EYA1: variants seen among roughly 807,000 people sequenced by gnomAD.
The protein encoded by EYA1 is EYA transcriptional coactivator and phosphatase 1.
In EYA1, 16 loss-of-function variants were observed where a neutral mutation model predicts 82.0. The observed-to-expected ratio is 0.20, with a 90% confidence interval of 0.13 to 0.30. The LOEUF (loss-of-function observed/expected upper bound fraction) is 0.30. EYA1 is among the 10% of genes least tolerant of loss of function. EYA1 has a pLI of 1.00. For synonymous variants in EYA1, 261 were observed against 264.4 expected, an observed-to-expected ratio of 0.99 and a Z score of 0.12; for missense variants, 633 against 730.7, an observed-to-expected ratio of 0.87 and a Z score of 1.54.
At chr8:71,298,791 C>A (rs560750840) in intron 9 of EYA1, among the ~76,000 whole-genome samples, 1 of 152,100 alleles carries the variant, frequency 6.6e-6, no homozygotes, top group Non-Finnish European at 1.5e-5. Context: ...CTACACAGAT[C>A]TTAAAAATTG....
chr8:71,412,983 G>C (rs140491964), intron 2 of EYA1, among the ~76,000 whole-genome samples: 19 of 152,314 alleles, frequency 1.2e-4, no homozygotes, highest in African/African-American at 4.3e-4. Flanking sequence ...GAGTGGGTAA[G>C]AGGTACTTGT....
intron 2 of EYA1, chr8:71,470,938 A>G: frequency 2.2e-6 from 1 of 445,408 alleles, no homozygotes; most frequent in South Asian, 1.6e-5. Context: ...TGGGCTTTAA[A>G]AAAAAAAGGA....
chr8:71,388,443 A>G (rs1829090216), intron 2 of EYA1, among the ~76,000 whole-genome samples: 1 of 152,204 alleles, frequency 6.6e-6, no homozygotes, highest in African/African-American at 2.4e-5. Flanking sequence ...GAGGGTGACC[A>G]GAGTTTTTCG....
At chr8:71,207,523 T>G (rs1355569487) in intron 17 of EYA1, among the ~76,000 whole-genome samples, 1 of 152,192 alleles carries the variant, frequency 6.6e-6, no homozygotes, top group African/African-American at 2.4e-5. Flanking sequence ...GCAGCAGATA[T>G]TTTTGGACTC....
chr8:71,313,840 C>A (rs775826945), intron 7 of EYA1, among the ~76,000 whole-genome samples: 1 of 152,124 alleles, frequency 6.6e-6, no homozygotes, highest in South Asian at 2.1e-4. Flanking sequence ...TTAAATTAAT[C>A]AGCAAAACAC....
At chr8:71,364,070 A>G (rs1019546754), upstream of EYA1, among the ~76,000 whole-genome samples, 46 of 151,906 alleles carry the variant, frequency 3.0e-4, no homozygotes, top group African/African-American at 1.1e-3. Context: ...ATTTTTATTT[A>G]TATAACCAAA....
rs555497951 is a variant in EYA1 at position 71,413,511 on chromosome 8, A to G, written c.34-57000T>C. ...GGATAAAATGCCCATAAACACCTAC[A>G]CACAAAATTTGGCATGCCATCTATT... On this transcript the variant is annotated intron_variant, in intron 2 of 18. Transcript: ENST00000643681. 2.0e-5 allele frequency among the ~76,000 whole-genome samples: 3 copies of G among 152,314 alleles called. No homozygotes were observed. The East Asian group carries it at 5.8e-4, about 29-fold the overall frequency.
chr8:71,446,712 G>A (rs1223018193), intron 2 of EYA1, among the ~76,000 whole-genome samples: 1 of 152,224 alleles, frequency 6.6e-6, no homozygotes, highest in Admixed American at 6.5e-5. Context: ...TTATTTTCAG[G>A]ATTGGTAGTT....
At chr8:71,371,476 G>T (rs1339378590) in intron 2 of EYA1, among the ~76,000 whole-genome samples, 1 of 152,120 alleles carries the variant, frequency 6.6e-6, no homozygotes, top group Non-Finnish European at 1.5e-5. Flanking sequence ...CCTAAGGCGA[G>T]AACTCAATCT....
At position 71,466,133 on chromosome 8, in the gene EYA1, A is replaced by G. The variant is rs146280745; in HGVS notation, c.33+69611T>C. On this transcript the variant is annotated intron_variant, in intron 2 of 18. Transcript: ENST00000643681. The stretch of plus-strand genomic sequence containing the variant: ...GCAATACTTCTAAAATGATGGGGAG[A>G]TTAGTACTGAAAAACCTCATAACAG... 7.0e-4 allele frequency among the ~76,000 whole-genome samples: 106 copies of G among 152,314 alleles called. 1 individual carries two copies. Among genetic ancestry groups the G allele is most frequent in the African/African-American group, 2.5e-3 (102 of 41,576 alleles).
intron 4 of EYA1, 48 bp downstream of exon 4, chr8:71,334,049 A>G: frequency 7.6e-7 from 1 of 1,321,086 alleles, no homozygotes; most frequent in Non-Finnish European, 1.1e-6. Flanking sequence ...TGAATAAACT[A>G]GAAAAAATGC....
In EYA1 at chr8:71,427,804, G is replaced by A. The variant is rs538549179; in HGVS notation, c.34-71293C>T. Among the ~76,000 whole-genome samples the A allele has an allele frequency of 7.9e-5, 12 of 152,198 alleles. 1 individual carries two copies. In the South Asian group the frequency reaches 2.5e-3, roughly 32 times the overall value. On this transcript the variant is annotated intron_variant, in intron 2 of 18. Coordinates refer to the EYA1 transcript ENST00000643681. ...GGAGGCTGAAGTGGGAGGATTGCTTGAGTCTAGGAGTTCAAGACTATCTTG... is the reference window on the plus strand; with the variant it reads ...GGAGGCTGAAGTGGGAGGATTGCTTAAGTCTAGGAGTTCAAGACTATCTTG...
rs753024835 is a variant in EYA1, at chr8:71,211,208, A to G, written c.1646T>C (p.Val549Ala). 1.2e-6 allele frequency: 2 copies of G among 1,613,608 alleles called. No homozygotes were observed. The highest frequency in any genetic ancestry group is 2.2e-5 in the East Asian group (1 of 44,848). ...ACCATCTCCTATAACAACATACACC[A>G]CTTTTCTTCCAAACCTTTGAATTAT... ...ERIIQRFGRK[V>A]VYVVIGDGVE... Residue 549 changes from valine to alanine, a missense_variant, in exon 17 of 18, where the codon GTG (valine) becomes GCG (alanine). By Grantham distance (64) the Val-to-Ala change is moderately conservative. Transcript: ENST00000340726.
chr8:71,471,836 A>G (rs1189574662), intron 2 of EYA1, among the ~76,000 whole-genome samples: 2 of 152,058 alleles, frequency 1.3e-5, no homozygotes, highest in African/African-American at 4.8e-5. Flanking sequence ...CAAACATCCA[A>G]CTTTAATTTT....
intron 11 of EYA1, among the ~76,000 whole-genome samples, chr8:71,255,589 AT>A (rs1215788457): frequency 1.3e-5 from 2 of 152,228 alleles, no homozygotes; most frequent in African/African-American, 4.8e-5. Flanking sequence ...ATATGCAAAA[AT>A]TAACTCAAAA....
chr8:71,488,381 A>G (rs1198190840), intron 2 of EYA1, among the ~76,000 whole-genome samples: 1 of 152,224 alleles, frequency 6.6e-6, no homozygotes, highest in Non-Finnish European at 1.5e-5. Flanking sequence ...GGATGTAGTC[A>G]TGCAACAGAA....
chr8:71,375,889 A>G (rs1437578243), intron 2 of EYA1, among the ~76,000 whole-genome samples: 7 of 152,092 alleles, frequency 4.6e-5, no homozygotes, highest in African/African-American at 1.7e-4. Flanking sequence ...TCTGCCTCCC[A>G]TCGTGCTGGG....
intron 2 of EYA1, among the ~76,000 whole-genome samples, chr8:71,371,826 G>T (rs888092876): frequency 1.3e-5 from 2 of 151,746 alleles, no homozygotes; most frequent in African/African-American, 4.8e-5. Context: ...ACAACAAAAA[G>T]GAGCCCTTGG....
chr8:71,326,381 C>A (rs72622842), intron 4 of EYA1, among the ~76,000 whole-genome samples: 13,072 of 151,736 alleles, frequency 0.086, 1,082 homozygotes, highest in East Asian at 0.44. Context: ...GTTTTCCCAA[C>A]AAAATATACC....
Sources: gnomAD v4.1 joint callset for allele counts (sites outside exome capture counted in the v4.1 genomes callset) on GRCh38, gnomAD v4.1.1 for gene constraint, MANE v1.5 for transcripts, NCBI Gene and HGNC (gene_info 2026-07-23, HGNC 2026-07-21) for gene names.